Variants in MACROD2 observed in about 807,000 individuals in gnomAD.
MACROD2 encodes ADP-ribose glycohydrolase MACROD2.
MACROD2 carries 36 observed loss-of-function variants against 70.4 expected under a neutral mutation model. That is an observed-to-expected ratio of 0.51 (90% CI 0.39 to 0.68). The LOEUF (loss-of-function observed/expected upper bound fraction) is 0.68. Among genes scored for constraint, MACROD2 ranks in the 30% least tolerant of loss-of-function variants. The pLI is 0.00. For synonymous variants in MACROD2, 172 were observed against 178.8 expected (o/e 0.96, Z 0.30); for missense variants, 496 against 538.4 (o/e 0.92, Z 0.78).
chr20:14,709,399 A>T (rs2071310594), intron 5 of MACROD2, among the ~76,000 whole-genome samples: 1 of 152,094 alleles, frequency 6.6e-6, no homozygotes, highest in African/African-American at 2.4e-5. Flanking sequence ...ATACAAACAC[A>T]CACTCTCACA....
At chr20:15,281,477 C>G (rs2077443711) in intron 6 of MACROD2, among the ~76,000 whole-genome samples, 1 of 152,182 alleles carries the variant, frequency 6.6e-6, no homozygotes, top group Non-Finnish European at 1.5e-5. Flanking sequence ...TGCACCCATT[C>G]CAAATGGGAG....
intron 3 of MACROD2, among the ~76,000 whole-genome samples, chr20:14,239,833 G>T (rs1021182438): frequency 4.6e-5 from 7 of 152,078 alleles, no homozygotes; most frequent in African/African-American, 1.7e-4. Context: ...TGACAAATGG[G>T]ACCTAATTAA....
At chr20:15,046,036 A>T (rs952568680) in intron 5 of MACROD2, among the ~76,000 whole-genome samples, 11 of 151,846 alleles carry the variant, frequency 7.2e-5, no homozygotes, top group African/African-American at 2.7e-4. Context: ...CCTTTCGGAG[A>T]TCATCTGTAC....
chr20:15,016,013 C>A (rs1283600811), intron 5 of MACROD2, among the ~76,000 whole-genome samples: 1 of 152,194 alleles, frequency 6.6e-6, no homozygotes, highest in African/African-American at 2.4e-5. Context: ...TCAGCCTTCT[C>A]ATTTTTCCAC....
At chr20:14,493,638 T>C (rs2084819136) in intron 4 of MACROD2, 130 bp downstream of exon 4, 3 of 681,968 alleles carry the variant, frequency 4.4e-6, no homozygotes, top group Non-Finnish European at 7.6e-6. Context: ...AAAATGTTAA[T>C]CTTTCAAAAA....
chr20:14,958,938 T>C (rs1336260613), intron 5 of MACROD2, among the ~76,000 whole-genome samples: 4 of 152,142 alleles, frequency 2.6e-5, no homozygotes, highest in Non-Finnish European at 5.9e-5. Flanking sequence ...CACTGCAAAA[T>C]GTTTCTTTTC....
chr20:14,719,208 C>T (rs770211786), intron 5 of MACROD2, among the ~76,000 whole-genome samples: 7 of 150,974 alleles, frequency 4.6e-5, no homozygotes, highest in East Asian at 1.9e-4. Flanking sequence ...TCCAGCCTGG[C>T]GACAGAGTGA....
chr20:14,064,360 GT>G lies in MACROD2; in HGVS notation c.164-21257del, dbSNP rs200389334. Among the ~76,000 whole-genome samples, 6 of 152,174 alleles carry G rather than the reference GT, an allele frequency of 3.9e-5. No individual in the cohort carries two copies. The East Asian group carries it at 9.7e-4, about 25-fold the overall frequency. On this transcript the variant is annotated intron_variant, in intron 2 of 17. Transcript: ENST00000684519. ...CTACATCTCTAGCCTGAAAACCTTT[GT>G]TTTGAGCATCAAGACCTGTACATGT...
intron 5 of MACROD2, among the ~76,000 whole-genome samples, chr20:15,178,710 G>A (rs149467721): frequency 6.6e-6 from 1 of 152,204 alleles, no homozygotes; most frequent in African/African-American, 2.4e-5. Flanking sequence ...TGAGGGGCAG[G>A]TTCAGAAGGG....
At chr20:15,454,411 AC>A (rs1220069769) in intron 7 of MACROD2, among the ~76,000 whole-genome samples, 13 of 24,658 alleles carry the variant, frequency 5.3e-4, no homozygotes, top group African/African-American at 1.3e-3. Flanking sequence ...ATTCAAACAC[AC>A]ACACACACAC....
chr20:15,267,579 C>T (rs1299165781), intron 6 of MACROD2, among the ~76,000 whole-genome samples: 2 of 152,228 alleles, frequency 1.3e-5, no homozygotes, highest in African/African-American at 4.8e-5. Context: ...ATTCACTAAG[C>T]ATGCCCCAGC....
At chr20:14,510,498 G>C (rs2085017890) in intron 4 of MACROD2, among the ~76,000 whole-genome samples, 2 of 151,952 alleles carry the variant, frequency 1.3e-5, no homozygotes, top group African/African-American at 4.8e-5. Context: ...TTCTCCTCTT[G>C]AATATTTTAG....
intron 7 of MACROD2, among the ~76,000 whole-genome samples, chr20:15,468,217 G>T (rs755517071): frequency 2.6e-5 from 4 of 151,938 alleles, no homozygotes; most frequent in Non-Finnish European, 5.9e-5. Flanking sequence ...TTAGATGCAG[G>T]ACCCCTTTCA....
chr20:15,418,647 G>A (rs778406429), intron 6 of MACROD2, among the ~76,000 whole-genome samples: 1 of 152,140 alleles, frequency 6.6e-6, no homozygotes, highest in African/African-American at 2.4e-5. Flanking sequence ...GAAAACCAGG[G>A]ATTGACTCAA....
intron 10 of MACROD2, among the ~76,000 whole-genome samples, chr20:15,913,999 G>A (rs1469908084): frequency 6.6e-6 from 1 of 152,198 alleles, no homozygotes. Flanking sequence ...GTGTGTGCAT[G>A]GAGGGGGCAG....
chr20:15,129,110 A>AT (rs1482681644), intron 5 of MACROD2, among the ~76,000 whole-genome samples: 2 of 152,070 alleles, frequency 1.3e-5, no homozygotes, highest in Admixed American at 1.3e-4. Context: ...ATGTATTTAC[A>AT]TTTTTATTAG....
chr20:15,089,136 A>T lies in MACROD2; in HGVS notation c.419-140804A>T, dbSNP rs182373327. Among the ~76,000 whole-genome samples, 57 of 152,286 alleles carry T rather than the reference A, an allele frequency of 3.7e-4. No homozygotes were observed. In the East Asian group the frequency reaches 9.7e-3, roughly 26 times the overall value. On this transcript the variant is annotated intron_variant, in intron 5 of 17. Coordinates refer to ENST00000684519, the MANE Select transcript of MACROD2 (RefSeq NM_001351661.2). ...AAGATAATCATGTATTAGCTTAAGT[A>T]AAATGCAATGCCTTGCAAAGATCTG... is the stretch of plus-strand genomic sequence containing the variant.
intron 5 of MACROD2, among the ~76,000 whole-genome samples, chr20:15,121,732 A>G (rs1252337587): frequency 6.6e-6 from 1 of 152,130 alleles, no homozygotes; most frequent in Non-Finnish European, 1.5e-5. Flanking sequence ...TTCCATTGAG[A>G]AAGTCTTCTA....
chr20:14,015,628 C>T (rs551696817), intron 2 of MACROD2, among the ~76,000 whole-genome samples: 1 of 152,310 alleles, frequency 6.6e-6, no homozygotes, highest in Admixed American at 6.5e-5. Flanking sequence ...TAAACAATAT[C>T]TACACTATAC....
Sources: gnomAD v4.1 joint callset for allele counts (sites outside exome capture counted in the v4.1 genomes callset) on GRCh38, gnomAD v4.1.1 for gene constraint, MANE v1.5 for transcripts, NCBI Gene and HGNC (gene_info 2026-07-23, HGNC 2026-07-21) for gene names.